Variants in SLC39A11 observed in about 807,000 individuals in gnomAD.
SLC39A11 encodes zinc transporter ZIP11.
Under a neutral mutation model 36.1 loss-of-function variants are expected in SLC39A11, and 33 were observed. That is an observed-to-expected ratio of 0.91 (90% CI 0.69 to 1.22). The LOEUF is 1.22. Among genes scored for constraint, SLC39A11 ranks in the 50% most tolerant of loss-of-function variants. The pLI is 0.00. For synonymous variants in SLC39A11, 166 were observed against 170.3 expected (o/e 0.97, Z 0.20); for missense variants, 432 against 430.3 (o/e 1.00, Z -0.03).
At chr17:72,760,183 T>C (rs895458896) in intron 6 of SLC39A11, among the ~76,000 whole-genome samples, 1 of 152,094 alleles carries the variant, frequency 6.6e-6, no homozygotes, top group Non-Finnish European at 1.5e-5. Flanking sequence ...CGTGCCACCA[T>C]GCCTGGCTAA....
chr17:72,888,320 A>T (rs990964656), intron 5 of SLC39A11, among the ~76,000 whole-genome samples: 3 of 152,198 alleles, frequency 2.0e-5, no homozygotes, highest in Admixed American at 2.0e-4. Context: ...GGAAAGAACA[A>T]ACATACAGAA....
intron 6 of SLC39A11, among the ~76,000 whole-genome samples, chr17:72,741,063 T>C (rs1317114886): frequency 2.0e-5 from 3 of 152,168 alleles, no homozygotes; most frequent in Non-Finnish European, 4.4e-5. Context: ...CATGAGCCAC[T>C]GCGCCCCACC....
At chr17:72,783,982 G>T (rs2076413012) in intron 6 of SLC39A11, among the ~76,000 whole-genome samples, 1 of 152,088 alleles carries the variant, frequency 6.6e-6, no homozygotes, top group Non-Finnish European at 1.5e-5. Context: ...GATGGGAAAG[G>T]GAACTGGAGG....
At chr17:72,763,487 G>A (rs1443473214) in intron 6 of SLC39A11, among the ~76,000 whole-genome samples, 1 of 152,114 alleles carries the variant, frequency 6.6e-6, no homozygotes, top group Non-Finnish European at 1.5e-5. Context: ...ATTTGACAAC[G>A]GAACCCTTTT....
At chr17:72,867,312 C>T (rs895058980) in intron 5 of SLC39A11, among the ~76,000 whole-genome samples, 2 of 152,116 alleles carry the variant, frequency 1.3e-5, no homozygotes, top group African/African-American at 2.4e-5. Flanking sequence ...CCAGCCTGGA[C>T]AACATGGTGA....
intron 2 of SLC39A11, among the ~76,000 whole-genome samples, chr17:73,087,705 G>C (rs1053271474): frequency 2.0e-5 from 3 of 152,054 alleles, no homozygotes; most frequent in Admixed American, 2.0e-4. Context: ...GGTTGTGGGA[G>C]GAGGGAGAGA....
chr17:72,796,979 G>A (rs187164754), intron 6 of SLC39A11, among the ~76,000 whole-genome samples: 1 of 152,254 alleles, frequency 6.6e-6, no homozygotes, highest in Admixed American at 6.5e-5. Flanking sequence ...TGTCAGAAGG[G>A]AGCTGTCCCT....
At chr17:72,916,408 G>A (rs563668263) in intron 5 of SLC39A11, among the ~76,000 whole-genome samples, 8 of 147,086 alleles carry the variant, frequency 5.4e-5, no homozygotes, top group Admixed American at 4.7e-4. Context: ...GGAGTCCTCA[G>A]GGCCAGTCCC....
intron 3 of SLC39A11, among the ~76,000 whole-genome samples, chr17:73,081,845 C>T (rs1288090508): frequency 7.0e-6 from 1 of 142,946 alleles, no homozygotes; most frequent in Admixed American, 7.3e-5. Context: ...GGATGGAATT[C>T]ATTATTCTAT....
At chr17:73,016,939 C>T (rs2058188828) in intron 4 of SLC39A11, among the ~76,000 whole-genome samples, 1 of 152,170 alleles carries the variant, frequency 6.6e-6, no homozygotes, top group South Asian at 2.1e-4. Context: ...CACTTAAGCG[C>T]CTGTTAATTA....
In SLC39A11 at chr17:72,683,804, G is replaced by A. The variant is rs186237918; in HGVS notation, c.672-34536C>T. 1.7e-4 allele frequency among the ~76,000 whole-genome samples: 26 copies of A among 152,086 alleles called. No homozygotes were observed. The East Asian group carries it at 4.8e-3, about 28-fold the overall frequency. On this transcript the variant is annotated intron_variant, in intron 7 of 9. Transcript: ENST00000255559. ...AGATGTGCTCTTAGACAGGTCCCCC[G>A]AGAGAGCTGGGAATCCTGGGACTCC...
intron 6 of SLC39A11, among the ~76,000 whole-genome samples, chr17:72,740,349 G>A (rs1044697411): frequency 5.9e-5 from 9 of 152,046 alleles, no homozygotes; most frequent in African/African-American, 1.7e-4. Flanking sequence ...ACAGGCGTAA[G>A]CCACCGCGCC....
chr17:72,914,682 A>G (rs920501322), intron 5 of SLC39A11, among the ~76,000 whole-genome samples: 1 of 152,094 alleles, frequency 6.6e-6, no homozygotes, highest in Non-Finnish European at 1.5e-5. Flanking sequence ...GGGGTTCAAG[A>G]CCAGCCTGGC....
chr17:72,715,578 G>C (rs1246757258), intron 7 of SLC39A11, among the ~76,000 whole-genome samples: 2 of 152,186 alleles, frequency 1.3e-5, no homozygotes, highest in Non-Finnish European at 2.9e-5. Flanking sequence ...ACTTCTATGA[G>C]GTCCCTAGAG....
At chr17:73,090,753 G>A (rs1016233818) in intron 1 of SLC39A11, among the ~76,000 whole-genome samples, 2 of 152,148 alleles carry the variant, frequency 1.3e-5, no homozygotes, top group African/African-American at 2.4e-5. Context: ...GAGGGAGCTC[G>A]TGGGTGTTCC....
intron 5 of SLC39A11, among the ~76,000 whole-genome samples, chr17:72,882,423 C>T (rs1281480685): frequency 6.7e-6 from 1 of 149,632 alleles, no homozygotes; most frequent in Admixed American, 6.7e-5. Context: ...CACGCATGCA[C>T]AATCCAAGAC....
At chr17:73,087,632 T>C (rs908474719) in intron 2 of SLC39A11, among the ~76,000 whole-genome samples, 10 of 151,606 alleles carry the variant, frequency 6.6e-5, no homozygotes, top group Non-Finnish European at 1.2e-4. Context: ...TGGGTATGGG[T>C]ATGTGTGCAA....
intron 7 of SLC39A11, among the ~76,000 whole-genome samples, chr17:72,660,751 G>A (rs2070374253): frequency 6.6e-6 from 1 of 152,140 alleles, no homozygotes; most frequent in Admixed American, 6.5e-5. Context: ...CACCACTACT[G>A]ACATTTCACA....
intron 7 of SLC39A11, among the ~76,000 whole-genome samples, chr17:72,658,042 G>T (rs1485863008): frequency 6.6e-6 from 1 of 152,224 alleles, no homozygotes; most frequent in Non-Finnish European, 1.5e-5. Context: ...AGGGACAGCA[G>T]CAGACACTTT....
Sources: allele counts gnomAD v4.1 joint callset (sites outside exome capture counted in the v4.1 genomes callset), GRCh38; gene constraint gnomAD v4.1.1; transcripts MANE v1.5; gene names NCBI Gene and HGNC (gene_info 2026-07-23, HGNC 2026-07-21).